NELL1: variants seen among roughly 807,000 people sequenced by gnomAD.
The protein encoded by NELL1 is neural EGFL like 1, also known as protein kinase C-binding protein NELL1.
NELL1 carries 76 observed loss-of-function variants against 107.4 expected under a neutral mutation model. The ratio of observed to expected loss-of-function variants is 0.71; its 90% CI spans 0.59 to 0.86. The LOEUF (loss-of-function observed/expected upper bound fraction) is 0.86. Ranked by LOEUF, NELL1 falls within the 40% of genes least tolerant of loss-of-function variation. The pLI, the probability that NELL1 is intolerant of heterozygous loss-of-function variation, is 0.00. For missense variants in NELL1, 1,024 were observed against 1,005.5 expected, an observed-to-expected ratio of 1.02 and a Z score of -0.25; for synonymous variants, 353 against 341.2, an observed-to-expected ratio of 1.03 and a Z score of -0.38.
At chr11:21,481,617 T>C (rs1564915745) in intron 15 of NELL1, among the ~76,000 whole-genome samples, 1 of 152,164 alleles carries the variant, frequency 6.6e-6, no homozygotes, top group Non-Finnish European at 1.5e-5. Flanking sequence ...AAGAAGAAAA[T>C]GCCCCTGCAT....
In NELL1 at chr11:21,189,519, C is replaced by T. The variant is rs112749051; in HGVS notation, c.1427-39813C>T. On this transcript the variant is annotated intron_variant, in intron 13 of 19. Coordinates refer to ENST00000357134, the MANE Select transcript of NELL1 (RefSeq NM_006157.5). ...ACATGGCAACCTGCTCTCAAGGTTACCTATACTTTAGACAAGGCATGTGCA... is the reference window on the plus strand; with the variant it reads ...ACATGGCAACCTGCTCTCAAGGTTATCTATACTTTAGACAAGGCATGTGCA... Among the ~76,000 whole-genome samples the T allele has an allele frequency of 3.0e-3, 461 of 151,762 alleles. 16 individuals are homozygous for T. Among genetic ancestry groups the T allele is most frequent in the African/African-American group, 0.01 (429 of 41,154 alleles).
At chr11:20,759,580 A>G (rs1315161469) in intron 2 of NELL1, among the ~76,000 whole-genome samples, 1 of 152,152 alleles carries the variant, frequency 6.6e-6, no homozygotes, top group Non-Finnish European at 1.5e-5. Flanking sequence ...CTTCTAGGGC[A>G]TCTCACCACT....
Position 21,457,148 on chromosome 11 carries a change from G to A in NELL1, c.1646-77226G>A, listed in dbSNP as rs924819709. 2.0e-5 allele frequency among the ~76,000 whole-genome samples: 3 copies of A among 152,200 alleles called. No homozygotes were observed. The East Asian group carries it at 5.8e-4, about 29-fold the overall frequency. On this transcript the variant is annotated intron_variant, in intron 15 of 19. Coordinates refer to ENST00000357134, the MANE Select transcript of NELL1 (RefSeq NM_006157.5). ...TCAAGCACAGCAGAAAGAATGGCCA[G>A]TTCTACCTGAGCAAGCAGGAAATCT...
intron 16 of NELL1, among the ~76,000 whole-genome samples, chr11:21,538,068 C>A (rs887002456): frequency 6.6e-6 from 1 of 152,070 alleles, no homozygotes; most frequent in African/African-American, 2.4e-5. Flanking sequence ...TAATATCAAC[C>A]ACTAATGCTT....
chr11:20,967,964 C>T (rs1183759765), intron 12 of NELL1, among the ~76,000 whole-genome samples: 1 of 152,170 alleles, frequency 6.6e-6, no homozygotes, highest in African/African-American at 2.4e-5. Flanking sequence ...CTTTGCATCC[C>T]TCCAATAGGC....
intron 13 of NELL1, among the ~76,000 whole-genome samples, chr11:21,147,368 G>A (rs1028281757): frequency 5.3e-5 from 8 of 152,062 alleles, no homozygotes; most frequent in South Asian, 2.1e-4. Flanking sequence ...AGAATTTTAC[G>A]AATAAATACT....
chr11:20,927,038 T>C (rs1444737420), intron 7 of NELL1: 3 of 360,040 alleles, frequency 8.3e-6, no homozygotes, highest in Non-Finnish European at 1.5e-5. Context: ...GCACACACAT[T>C]TATGAACACC....
At chr11:21,415,815 G>T (rs1224046314) in intron 15 of NELL1, among the ~76,000 whole-genome samples, 2 of 152,050 alleles carry the variant, frequency 1.3e-5, no homozygotes, top group Non-Finnish European at 2.9e-5. Flanking sequence ...GCAGGAACCA[G>T]GTGTTTGAAA....
intron 12 of NELL1, among the ~76,000 whole-genome samples, chr11:20,985,961 C>T (rs1347492614): frequency 6.6e-6 from 1 of 152,200 alleles, no homozygotes; most frequent in Non-Finnish European, 1.5e-5. Context: ...TACTAATGGA[C>T]TTCACCTCAT....
At chr11:20,787,503 G>A (rs752656482) in intron 3 of NELL1, among the ~76,000 whole-genome samples, 11 of 152,104 alleles carry the variant, frequency 7.2e-5, no homozygotes, top group Non-Finnish European at 1.0e-4. Context: ...AATTTGGCAT[G>A]GACATTTGAC....
At chr11:21,379,634 G>A (rs1391096349) in intron 15 of NELL1, among the ~76,000 whole-genome samples, 2 of 151,968 alleles carry the variant, frequency 1.3e-5, no homozygotes, top group Admixed American at 6.6e-5. Context: ...TTAAAATAAA[G>A]AGAACATAAC....
chr11:21,017,061 C>T (rs1203084122), intron 12 of NELL1, among the ~76,000 whole-genome samples: 2 of 152,104 alleles, frequency 1.3e-5, no homozygotes, highest in African/African-American at 4.8e-5. Flanking sequence ...TCATCACCAC[C>T]ATTCCCTTCT....
At chr11:20,942,102 A>G (rs1850867441) in intron 10 of NELL1, among the ~76,000 whole-genome samples, 1 of 152,260 alleles carries the variant, frequency 6.6e-6, no homozygotes, top group Non-Finnish European at 1.5e-5. Flanking sequence ...AGAATGAGGC[A>G]TTTAGAGACT....
At chr11:21,199,089 C>T (rs919408700) in intron 13 of NELL1, among the ~76,000 whole-genome samples, 1 of 152,084 alleles carries the variant, frequency 6.6e-6, no homozygotes, top group Admixed American at 6.6e-5. Flanking sequence ...AAAAAATAGG[C>T]AAACTCAAGG....
intron 13 of NELL1, among the ~76,000 whole-genome samples, chr11:21,220,698 C>G (rs1488249253): frequency 6.6e-6 from 1 of 151,984 alleles, no homozygotes; most frequent in South Asian, 2.1e-4. Flanking sequence ...GAAATGTACC[C>G]ATTTTTATGT....
intron 15 of NELL1, among the ~76,000 whole-genome samples, chr11:21,529,086 T>C (rs186029097): frequency 9.2e-5 from 14 of 152,156 alleles, no homozygotes; most frequent in Admixed American, 3.9e-4. Flanking sequence ...AGAAATATAT[T>C]TCTTACTCAC....
chr11:21,073,592 G>C (rs926879083), intron 12 of NELL1, among the ~76,000 whole-genome samples: 1 of 152,172 alleles, frequency 6.6e-6, no homozygotes, highest in Admixed American at 6.6e-5. Flanking sequence ...CATCACAGCT[G>C]TATGTGATCA....
chr11:20,792,442 C>G (rs1355022464), intron 3 of NELL1, among the ~76,000 whole-genome samples: 1 of 151,990 alleles, frequency 6.6e-6, no homozygotes, highest in South Asian at 2.1e-4. Flanking sequence ...ATAAGGTCCT[C>G]TGTTTAATAA....
Position 21,398,634 on chromosome 11 carries a change from A to T in NELL1, c.1645+27686A>T, listed in dbSNP as rs1037927452. Among the ~76,000 whole-genome samples, 98 of 151,820 alleles carry T rather than the reference A, an allele frequency of 6.5e-4. 1 individual carries two copies. Among genetic ancestry groups the T allele is most frequent in the Non-Finnish European group, 2.4e-4 (16 of 67,802 alleles). On this transcript the variant is annotated intron_variant, in intron 15 of 19. Transcript: ENST00000357134. ...GGAGGGCAGTTAGAAGGAGCACAAG[A>T]TCTCATTAGAACAGAGATTCTGTTC...
Sources: gnomAD v4.1 joint callset for allele counts (sites outside exome capture counted in the v4.1 genomes callset) on GRCh38, gnomAD v4.1.1 for gene constraint, MANE v1.5 for transcripts, NCBI Gene and HGNC (gene_info 2026-07-23, HGNC 2026-07-21) for gene names.